The following DPH6 variants were observed in gnomAD, a reference collection of about 807,000 sequenced individuals.
DPH6 encodes the protein diphthine--ammonia ligase.
DPH6 carries 33 observed loss-of-function variants against 38.2 expected under a neutral mutation model. The observed-to-expected ratio is 0.86, with a 90% CI of 0.65 to 1.15. The LOEUF is 1.15. Among genes scored for constraint, DPH6 ranks in the 50% most tolerant of loss-of-function variants. The probability of loss-of-function intolerance (pLI) is 0.00; values close to 1 mark genes in which losing one functional copy is unlikely to be tolerated. For synonymous variants in DPH6, 108 were observed against 103.0 expected, an observed-to-expected ratio of 1.05 and a Z score of -0.30; for missense variants, 325 against 320.0, an observed-to-expected ratio of 1.02 and a Z score of -0.12.
rs540835659 is a variant in DPH6, at chr15:35,273,297, C to G, written n.201-52715G>C. On this transcript the variant is annotated intron_variant and non_coding_transcript_variant, in intron 3 of 3. Transcript: ENST00000560386. ...ATTTGTAGTCTTTTATCCTTCACCC[C>G]CTTCTCACGCTTTCCTGAGTCCCTC... is the stretch of plus-strand genomic sequence containing the variant. Among the ~76,000 whole-genome samples the G allele has an allele frequency of 7.2e-5, 11 of 152,250 alleles. No homozygotes were observed. The East Asian group carries it at 1.7e-3, about 24-fold the overall frequency.
the DPH6 span, among the ~76,000 whole-genome samples, chr15:35,210,946 CTTTTTTTTTTT>C: frequency 2.6e-4 from 16 of 61,578 alleles, no homozygotes; most frequent in South Asian, 5.8e-4. Flanking sequence ...AGATAGATCA[CTTTTTTTTTTT>C]TTTTTTTTTT....
At chr15:35,307,449 T>C (rs2052101005) in intron 3 of DPH6, among the ~76,000 whole-genome samples, 1 of 152,134 alleles carries the variant, frequency 6.6e-6, no homozygotes, top group Non-Finnish European at 1.5e-5. Context: ...CTGAAGAGAC[T>C]AAATGTAATA....
chr15:35,520,511 C>G (rs1353391767), intron 3 of DPH6: 1 of 984,134 alleles, frequency 1.0e-6, no homozygotes, highest in Non-Finnish European at 1.2e-6. Context: ...AAATTAAATC[C>G]AATTAAGTAC....
intron 3 of DPH6, among the ~76,000 whole-genome samples, chr15:35,361,646 C>CA (rs1243414335): frequency 1.3e-5 from 2 of 151,368 alleles, no homozygotes; most frequent in Non-Finnish European, 2.9e-5. Context: ...TACTCTGACT[C>CA]AAAAAATTCA....
At position 35,275,061 on chromosome 15, in the gene DPH6, C is replaced by T. The variant is rs1323239442; in HGVS notation, n.201-54479G>A. 1.3e-4 allele frequency among the ~76,000 whole-genome samples: 20 copies of T among 152,096 alleles called. 1 individual carries two copies. Among genetic ancestry groups the T allele is most frequent in the Admixed American group, 5.2e-4 (8 of 15,274 alleles). On this transcript the variant is annotated intron_variant and non_coding_transcript_variant, in intron 3 of 3. Coordinates refer to the DPH6 transcript ENST00000560386. The stretch of plus-strand genomic sequence containing the variant: ...TCCTGAGTAGCTGGGACTACAGGTG[C>T]CCGCCACCACGCCTGGCTAATTTTT...
chr15:35,206,824 G>A, the DPH6 span, among the ~76,000 whole-genome samples: 1 of 151,840 alleles, frequency 6.6e-6, no homozygotes, highest in South Asian at 2.1e-4. Flanking sequence ...ATAAATATTT[G>A]GAATATTTCC....
intron 3 of DPH6, among the ~76,000 whole-genome samples, chr15:35,322,105 C>T (rs563038695): frequency 4.6e-5 from 7 of 152,144 alleles, no homozygotes; most frequent in East Asian, 1.9e-4. Context: ...CATGGGTCCA[C>T]GTGGGCTCAG....
At chr15:35,345,224 C>T (rs995816570) in intron 3 of DPH6, among the ~76,000 whole-genome samples, 1 of 151,802 alleles carries the variant, frequency 6.6e-6, no homozygotes, top group Non-Finnish European at 1.5e-5. Context: ...AAATTAACCT[C>T]GTATCCAGAA....
chr15:35,260,199 C>T (rs1290959620), intron 3 of DPH6, among the ~76,000 whole-genome samples: 1 of 152,110 alleles, frequency 6.6e-6, no homozygotes, highest in Admixed American at 6.5e-5. Context: ...ACCTCCGCCT[C>T]CTGGGTTCAA....
intron 5 of DPH6, among the ~76,000 whole-genome samples, chr15:35,437,799 G>A (rs2053736711): frequency 6.6e-6 from 1 of 152,178 alleles, no homozygotes; most frequent in Admixed American, 6.5e-5. Context: ...TTATGTCCTT[G>A]GAAGCATGAC....
intron 3 of DPH6, among the ~76,000 whole-genome samples, chr15:35,279,576 G>C (rs1392080227): frequency 6.6e-6 from 1 of 152,044 alleles, no homozygotes; most frequent in Non-Finnish European, 1.5e-5. Flanking sequence ...GCAAGACCTG[G>C]TTTAAAAGAG....
At chr15:35,357,335 C>T (rs751251201) in intron 3 of DPH6, among the ~76,000 whole-genome samples, 38 of 152,240 alleles carry the variant, frequency 2.5e-4, no homozygotes, top group African/African-American at 8.9e-4. Context: ...CCCGGTATCT[C>T]AGTTGGAAAT....
chr15:35,257,497 T>C (rs1039013096), intron 3 of DPH6, among the ~76,000 whole-genome samples: 1 of 152,132 alleles, frequency 6.6e-6, no homozygotes. Context: ...AATAATAATA[T>C]GTTGTTGAGG....
At chr15:35,363,674 A>G (rs981908500) in intron 3 of DPH6, among the ~76,000 whole-genome samples, 12 of 152,028 alleles carry the variant, frequency 7.9e-5, no homozygotes, top group African/African-American at 2.4e-4. Flanking sequence ...TGCTTCTGCT[A>G]GTTGCTCTAT....
chr15:35,155,112 G>C, the DPH6 span, among the ~76,000 whole-genome samples: 1 of 152,112 alleles, frequency 6.6e-6, no homozygotes, highest in African/African-American at 2.4e-5. Flanking sequence ...CTTCAGCAGA[G>C]GTTGAGATGG....
intron 6 of DPH6, among the ~76,000 whole-genome samples, chr15:35,404,495 C>G (rs2053263955): frequency 6.6e-6 from 1 of 152,076 alleles, no homozygotes; most frequent in Non-Finnish European, 1.5e-5. Context: ...ACACCTTTTC[C>G]TATGTCTGTT....
chr15:35,268,643 A>G (rs758160683), intron 3 of DPH6, among the ~76,000 whole-genome samples: 3 of 151,916 alleles, frequency 2.0e-5, no homozygotes, highest in Non-Finnish European at 2.9e-5. Flanking sequence ...ATCTTCTAAT[A>G]CTATATATTT....
Position 35,257,772 on chromosome 15 carries a change from T to TTGTGTG in DPH6, n.201-37196_201-37191dup, listed in dbSNP as rs60955022. 7.4e-3 allele frequency among the ~76,000 whole-genome samples: 1,102 copies of TTGTGTG among 148,730 alleles called. 8 individuals are homozygous for TTGTGTG. Among genetic ancestry groups the TTGTGTG allele is most frequent in the South Asian group, 0.015 (71 of 4,646 alleles). ...CAGTATTATTTTCTTGGTCTCAGCT[T>TTGTGTG]TGTGTGTGTGTGTGTGTGTGTGTGC... On this transcript the variant is annotated intron_variant and non_coding_transcript_variant, in intron 3 of 3. Transcript: ENST00000560386.
At chr15:35,224,374 T>C (rs994499614) in intron 3 of DPH6, among the ~76,000 whole-genome samples, 1 of 152,136 alleles carries the variant, frequency 6.6e-6, no homozygotes, top group African/African-American at 2.4e-5. Flanking sequence ...CCCAAAGTGC[T>C]GGGATTACAG....
Sources: gnomAD v4.1 joint callset for allele counts (sites outside exome capture counted in the v4.1 genomes callset) on GRCh38, gnomAD v4.1.1 for gene constraint, MANE v1.5 for transcripts, NCBI Gene and HGNC (gene_info 2026-07-23, HGNC 2026-07-21) for gene names.